The following EYS variants were observed in gnomAD, a reference collection of about 807,000 sequenced individuals.
EYS encodes the protein protein eyes shut homolog.
A neutral mutation model predicts 282.1 loss-of-function variants in EYS; 250 were observed. The ratio of observed to expected loss-of-function variants is 0.89; its 90% CI spans 0.80 to 0.98. EYS has a LOEUF of 0.98. EYS is among the 50% of genes least tolerant of loss of function. The pLI is 0.00. For synonymous variants in EYS, 1,355 were observed against 1,282.9 expected, an observed-to-expected ratio of 1.06 and a Z score of -1.20; for missense variants, 4,016 against 3,709.0, an observed-to-expected ratio of 1.08 and a Z score of -2.15.
chr6:65,407,087 G>T (rs1255731372), intron 5 of EYS, among the ~76,000 whole-genome samples: 2 of 151,918 alleles, frequency 1.3e-5, no homozygotes, highest in East Asian at 1.9e-4. Context: ...AATTCCAATC[G>T]ATGAATATGC....
chr6:63,811,953 C>T (rs1161012967), intron 36 of EYS, among the ~76,000 whole-genome samples: 1 of 152,178 alleles, frequency 6.6e-6, no homozygotes, highest in African/African-American at 2.4e-5. Context: ...ATACCATCAA[C>T]GTTCAATGCA....
intron 15 of EYS, among the ~76,000 whole-genome samples, chr6:64,925,084 C>T (rs1204620789): frequency 2.0e-5 from 3 of 152,100 alleles, no homozygotes; most frequent in Admixed American, 1.3e-4. Context: ...GAAAAAGAGG[C>T]TTAATTGGAT....
intron 5 of EYS, among the ~76,000 whole-genome samples, chr6:65,451,560 G>C (rs1051648869): frequency 6.6e-6 from 1 of 151,888 alleles, no homozygotes; most frequent in African/African-American, 2.4e-5. Context: ...ATACTTTAGG[G>C]ATACATAGTA....
intron 35 of EYS, among the ~76,000 whole-genome samples, chr6:63,961,796 C>T (rs183642594): frequency 2.5e-4 from 38 of 152,226 alleles, no homozygotes. Flanking sequence ...ATTGGGTATA[C>T]ATTCCAACAT....
chr6:65,006,783 G>A (rs1479034007), intron 13 of EYS, among the ~76,000 whole-genome samples: 4 of 152,194 alleles, frequency 2.6e-5, no homozygotes, highest in Non-Finnish European at 2.9e-5. Context: ...GACTTTTGTG[G>A]AAGCAGAGTT....
intron 2 of EYS, among the ~76,000 whole-genome samples, chr6:65,569,904 T>G (rs1467750418): frequency 6.6e-6 from 1 of 152,148 alleles, no homozygotes; most frequent in Non-Finnish European, 1.5e-5. Context: ...TTTCTCTATT[T>G]TAATTCTTTT....
At chr6:65,343,983 A>G (rs1289494620) in intron 10 of EYS, 55 bp downstream of exon 10, 21 of 1,457,932 alleles carry the variant, frequency 1.4e-5, no homozygotes, top group Non-Finnish European at 1.9e-5. Flanking sequence ...TCTAAAAATC[A>G]GACAATTACA....
chr6:64,006,300 T>C (rs972664165), intron 33 of EYS, among the ~76,000 whole-genome samples: 1 of 152,126 alleles, frequency 6.6e-6, no homozygotes, highest in African/African-American at 2.4e-5. Context: ...ATGCTACTGA[T>C]TTTTTTATGT....
chr6:64,318,082 G>A (rs1770049071), intron 29 of EYS, among the ~76,000 whole-genome samples: 1 of 151,894 alleles, frequency 6.6e-6, no homozygotes, highest in African/African-American at 2.4e-5. Flanking sequence ...AAAGTTGATG[G>A]CGGGTTGATG....
At chr6:64,934,901 C>T (rs769059184) in intron 15 of EYS, among the ~76,000 whole-genome samples, 35 of 151,650 alleles carry the variant, frequency 2.3e-4, no homozygotes, top group Non-Finnish European at 4.0e-4. Context: ...TAACTCTTTT[C>T]TCTGTATATG....
At chr6:64,717,765 T>C (rs1771446662) in intron 22 of EYS, among the ~76,000 whole-genome samples, 1 of 152,080 alleles carries the variant, frequency 6.6e-6, no homozygotes, top group South Asian at 2.1e-4. Flanking sequence ...AATGTAGAGG[T>C]ATATGGGTCT....
intron 12 of EYS, among the ~76,000 whole-genome samples, chr6:65,088,669 G>A (rs1774458274): frequency 6.6e-6 from 1 of 152,150 alleles, no homozygotes; most frequent in African/African-American, 2.4e-5. Context: ...AGAAATTCAA[G>A]CCTGCTATAG....
chr6:64,844,627 A>T (rs1468029912), intron 19 of EYS, among the ~76,000 whole-genome samples: 1 of 151,960 alleles, frequency 6.6e-6, no homozygotes, highest in Admixed American at 6.6e-5. Context: ...TCTCCTGATG[A>T]TACCAAGCTT....
chr6:64,461,391 G>A (rs903737867), intron 26 of EYS, among the ~76,000 whole-genome samples: 1 of 152,140 alleles, frequency 6.6e-6, no homozygotes, highest in African/African-American at 2.4e-5. Context: ...TTGATTGATT[G>A]TGAGATGCAG....
At chr6:64,903,173 T>C (rs1767719040) in intron 16 of EYS, among the ~76,000 whole-genome samples, 1 of 152,142 alleles carries the variant, frequency 6.6e-6, no homozygotes, top group Non-Finnish European at 1.5e-5. Context: ...AATTCTATGG[T>C]TATATATTAA....
intron 33 of EYS, among the ~76,000 whole-genome samples, chr6:64,045,949 TTA>T (rs909456868): frequency 3.5e-5 from 5 of 144,758 alleles, no homozygotes; most frequent in African/African-American, 1.2e-4. Flanking sequence ...TATGTGTGTA[TTA>T]TATATTTTAT....
intron 26 of EYS, among the ~76,000 whole-genome samples, chr6:64,552,924 C>T (rs1334882818): frequency 7.4e-6 from 1 of 134,392 alleles, no homozygotes; most frequent in African/African-American, 2.7e-5. Context: ...TTCCCCCCCG[C>T]CCCCTCCCCC....
chr6:65,474,732 A>C (rs1421539181), intron 5 of EYS, among the ~76,000 whole-genome samples: 1 of 152,144 alleles, frequency 6.6e-6, no homozygotes, highest in Non-Finnish European at 1.5e-5. Flanking sequence ...AAAATTGCTG[A>C]TTTATGAAAA....
chr6:64,919,979 A>C (rs1028561602), intron 15 of EYS, among the ~76,000 whole-genome samples: 2 of 152,216 alleles, frequency 1.3e-5, no homozygotes, highest in South Asian at 4.1e-4. Flanking sequence ...TGTATTTTGA[A>C]GAATACCCAA....
Sources: gnomAD v4.1 joint callset for allele counts (sites outside exome capture counted in the v4.1 genomes callset) on GRCh38, gnomAD v4.1.1 for gene constraint, MANE v1.5 for transcripts, NCBI Gene and HGNC (gene_info 2026-07-23, HGNC 2026-07-21) for gene names.